ADAMTS1: variants seen among roughly 807,000 people sequenced by gnomAD.
ADAMTS1 encodes ADAM metallopeptidase with thrombospondin type 1 motif 1.
A neutral mutation model predicts 87.9 loss-of-function variants in ADAMTS1; 19 were observed. The ratio of observed to expected loss-of-function variants is 0.22; its 90% CI spans 0.15 to 0.32. ADAMTS1 has a LOEUF of 0.32. Among genes scored for constraint, ADAMTS1 ranks in the 10% least tolerant of loss-of-function variants. The pLI is 1.00. For synonymous variants in ADAMTS1, 542 were observed against 501.8 expected (o/e 1.08, Z -1.07); for missense variants, 1,240 against 1,259.1 (o/e 0.98, Z 0.23).
intron 1 of ADAMTS1, chr21:26,843,507 C>CA (rs373460567): frequency 4.3e-6 from 2 of 470,452 alleles, no homozygotes; most frequent in East Asian, 7.0e-5. Context: ...AAGCACTGCA[C>CA]AGAGAGAAGG....
rs1156655954 is a variant in ADAMTS1 at position 26,844,383 on chromosome 21, T to A, written c.572A>T (p.Gln191Leu). 3.8e-6 allele frequency: 6 copies of A among 1,595,002 alleles called. No homozygotes were observed. The South Asian group carries it at 4.5e-5, about 12-fold the overall frequency. Residue 191 changes from glutamine (Q) to leucine (L), a missense_variant, in exon 1 of 9, where the codon CAG becomes CTG. Physicochemically the swap from Gln to Leu is moderately radical, Grantham distance 113 (BLOSUM62 -2). Transcript: ENST00000284984. ...CCCGCACGTGCCGCCGACGTCGCCC[T>A]GCCGATTCCGCCGCAGGAGGTGGAA... The part of the protein sequence containing the change: ...LQFHLLRRNR[Q>L]GDVGGTCGVV...
rs201731104 is a variant in ADAMTS1 at position 26,840,401 on chromosome 21, T to C, written c.1540A>G (p.Thr514Ala). 1.4e-4 allele frequency: 219 copies of C among 1,614,176 alleles called. No individual in the cohort carries two copies. The highest frequency in any genetic ancestry group is 1.3e-3 in the Admixed American group (81 of 60,026). ...STCSTLWCTG[T>A]SGGVLVCQTK... ...TGACACACCAGCACCCCACCAGAGG[T>C]GCCGGTACACCACAAGGTGCTACAT... The change falls in exon 5 of 9, where the codon ACC (threonine) becomes GCC (alanine). Residue 514 changes from threonine (T) to alanine (A), a missense_variant. Thr to Ala is a moderately conservative substitution (Grantham distance 58). Coordinates refer to ENST00000284984, the MANE Select transcript of ADAMTS1 (RefSeq NM_006988.5).
intron 1 of ADAMTS1, chr21:26,843,356 G>T (rs950584975): frequency 2.4e-5 from 10 of 414,922 alleles, no homozygotes; most frequent in African/African-American, 1.9e-4. Context: ...CCTGCAGAAA[G>T]TCCTAAACTG....
chr21:26,837,601 C>T lies in ADAMTS1; in HGVS notation c.2882G>A (p.Cys961Tyr). Reference protein sequence around the residue: ...LKKPKHFIDFCTMAECS With the variant: ...LKKPKHFIDFYTMAECS ...CACTTAACTGCATTCTGCCATTGTG[C>T]AAAAGTCTATGAAATGTTTAGGTTT... is the stretch of plus-strand genomic sequence containing the variant. The change falls in exon 9 of 9, where the codon TGC becomes TAC. Residue 961 changes from cysteine to tyrosine, a missense_variant. Cys to Tyr is a radical substitution (Grantham distance 194). Coordinates refer to ENST00000284984, the MANE Select transcript of ADAMTS1 (RefSeq NM_006988.5). 4 of 1,614,098 alleles carry T rather than the reference C, an allele frequency of 2.5e-6. No individual in the cohort carries two copies. Among genetic ancestry groups the T allele is most frequent in the Non-Finnish European group, 2.5e-6 (3 of 1,180,004 alleles).
rs1417775198 is a variant in ADAMTS1 at position 26,840,556 on chromosome 21, C to T, written c.1385G>A (p.Cys462Tyr). The T allele has an allele frequency of 1.2e-6, 2 of 1,613,052 alleles. No individual in the cohort carries two copies. Among genetic ancestry groups the T allele is most frequent in the East Asian group, 2.2e-5 (1 of 44,870 alleles). Residue 462 changes from cysteine to tyrosine, a missense_variant, in exon 5 of 9, where the codon TGT (cysteine) becomes TAT (tyrosine). This residue lies in a region of ADAMTS1 where 317 missense variants were observed against 410.3 expected (regional missense o/e 0.77). Coordinates refer to ENST00000284984, the MANE Select transcript of ADAMTS1 (RefSeq NM_006988.5). ...TSFLDNGHGECLMDKPQNPIQ... is the reference protein window; with the variant it reads ...TSFLDNGHGEYLMDKPQNPIQ... Reference sequence around the variant, plus strand: ...GGGATTCTGAGGCTTGTCCATCAAACATTCCCCTGCAAAGGAAATGCCAAC... The same window carrying T: ...GGGATTCTGAGGCTTGTCCATCAAATATTCCCCTGCAAAGGAAATGCCAAC...
At position 26,842,517 on chromosome 21, in the gene ADAMTS1, T is replaced by C. The variant is rs770859188; in HGVS notation, c.899A>G (p.Asn300Ser). The C allele has an allele frequency of 3.7e-6, 6 of 1,614,152 alleles. 1 individual carries two copies. In the East Asian group the frequency reaches 1.3e-4, roughly 36 times the overall value. ...CTTCACCACCACCAGGCTAACTGAA[T>C]TACGAATGCTGGGGTGTTTGTACAA... ...ARLYKHPSIR[N>S]SVSLVVVKIL... Residue 300 changes from asparagine (N) to serine (S), a missense_variant, in exon 2 of 9, where the codon AAT (asparagine) becomes AGT (serine). By Grantham distance (46) the Asn-to-Ser change is conservative. Around this residue, in one of 3 missense-constraint regions of ADAMTS1, gnomAD observed 521 missense variants for 449.7 expected, o/e 1.16. Transcript: ENST00000284984.
chr21:26,844,873 G>A lies in ADAMTS1; in HGVS notation c.82C>T (p.Arg28Trp), dbSNP rs1215851273. The stretch of plus-strand genomic sequence containing the variant: ...AGCGTGGGTACTGGCCCAAAGCTCC[G>A]AGACCCCGGAGCCCGCTCCGCGTTC... ...MGNAERAPGS[R>W]SFGPVPTLLL... Residue 28 changes from arginine to tryptophan, a missense_variant, in exon 1 of 9, where the codon CGG becomes TGG. Arg to Trp is a moderately radical substitution (Grantham distance 101). This residue lies in a region of ADAMTS1 where 521 missense variants were observed against 449.7 expected (regional missense o/e 1.16). Transcript: ENST00000284984. 2.6e-6 allele frequency: 4 copies of A among 1,547,900 alleles called. No individual in the cohort carries two copies. The highest frequency in any genetic ancestry group is 3.5e-6 in the Non-Finnish European group (4 of 1,147,910).
At chr21:26,842,268 G>C (rs1985509695) in intron 2 of ADAMTS1, 71 bp downstream of exon 2, 5 of 1,437,556 alleles carry the variant, frequency 3.5e-6, no homozygotes, top group Middle Eastern at 1.8e-4. Flanking sequence ...GAAATGCCTT[G>C]TATATATCTT....
In ADAMTS1 at chr21:26,837,536, C is replaced by G; in HGVS notation, c.*43G>C. On this transcript the variant is annotated 3_prime_UTR_variant, in exon 9 of 9. Transcript: ENST00000284984. Reference sequence around the variant, plus strand: ...TCTTGCTTTCCCTGCACCAGCCCTTCCTCACTTTGCCTTGCCCTCAAAGCT... The same window carrying G: ...TCTTGCTTTCCCTGCACCAGCCCTTGCTCACTTTGCCTTGCCCTCAAAGCT... The G allele has an allele frequency of 6.4e-7, 1 of 1,573,392 alleles. No individual in the cohort carries two copies. The highest frequency in any genetic ancestry group is 8.7e-7 in the Non-Finnish European group (1 of 1,148,432).
At position 26,840,418 on chromosome 21, in the gene ADAMTS1, G is replaced by A; in HGVS notation, c.1523C>T (p.Thr508Ile). Residue 508 changes from threonine (T) to isoleucine (I), a missense_variant, in exon 5 of 9, where the codon ACC becomes ATC. This residue lies in a region of ADAMTS1 where 317 missense variants were observed against 410.3 expected (regional missense o/e 0.77). Transcript: ENST00000284984. The part of the protein sequence containing the change: ...HCPDAASTCS[T>I]LWCTGTSGGV... ...ACCAGAGGTGCCGGTACACCACAAG[G>A]TGCTACATGTGCTGGCTGCATCGGG... The A allele has an allele frequency of 6.2e-7, 1 of 1,614,074 alleles. No homozygotes were observed. Among genetic ancestry groups the A allele is most frequent in the Non-Finnish European group, 8.5e-7 (1 of 1,179,938 alleles).
rs1985542806 is a variant in ADAMTS1, at chr21:26,843,619, G to A, written c.730+606C>T. On this transcript the variant is annotated intron_variant, in intron 1 of 8. Coordinates refer to ENST00000284984, the MANE Select transcript of ADAMTS1 (RefSeq NM_006988.5). ...TGGGAGGCGGGGCAAACCCGGGAAA[G>A]ACCTCCCAAGCAGGTTCTGCGAAGG... 6.5e-6 allele frequency: 3 copies of A among 461,824 alleles called. No individual in the cohort carries two copies. In the Admixed American group the frequency reaches 7.2e-5, roughly 11 times the overall value. The allele number at this position is 461,824 out of a possible 1,614,324, so 28.6% of individuals were successfully genotyped here. A position where few individuals can be genotyped will look rare whatever the true frequency, so the allele number is the denominator to read the frequency against.
rs1601925487 is a variant in ADAMTS1 at position 26,845,203 on chromosome 21, G to A, written c.-249C>T. The A allele has an allele frequency of 1.4e-5, 6 of 430,514 alleles. No individual in the cohort carries two copies. In the East Asian group the frequency reaches 2.2e-4, roughly 15 times the overall value. The allele number at this position is 430,514 out of a possible 1,614,324, so 26.7% of individuals were successfully genotyped here. Reference sequence around the variant, plus strand: ...AAGTTGGAGACACTGAGAGGCAGGCGCAGGCAGAGTGGCTCTGCTGGGACA... The same window carrying A: ...AAGTTGGAGACACTGAGAGGCAGGCACAGGCAGAGTGGCTCTGCTGGGACA... On this transcript the variant is annotated 5_prime_UTR_variant, in exon 1 of 9. Coordinates refer to ENST00000284984, the MANE Select transcript of ADAMTS1 (RefSeq NM_006988.5).
In ADAMTS1 at chr21:26,844,810, C is replaced by A. The variant is rs1336822436; in HGVS notation, c.145G>T (p.Ala49Ser). The A allele has an allele frequency of 6.5e-7, 1 of 1,546,748 alleles. No individual in the cohort carries two copies. Residue 49 changes from alanine to serine, a missense_variant, in exon 1 of 9, where the codon GCA becomes TCA. Physicochemically the swap from Ala to Ser is moderately conservative, Grantham distance 99 (BLOSUM62 1). Coordinates refer to ENST00000284984, the MANE Select transcript of ADAMTS1 (RefSeq NM_006988.5). ...TCCTCCTCGGAGGGGCGCCCGAGTG[C>A]GTCCGACACGGCCAGTAGCGCCGCG... ...LAAALLAVSD[A>S]LGRPSEEDEE...
chr21:26,838,306 C>A (rs748757489), intron 8 of ADAMTS1, 28 bp from the exon 9 acceptor site: 2 of 1,581,932 alleles, frequency 1.3e-6, no homozygotes, highest in South Asian at 1.2e-5. Context: ...AGGCATAAAT[C>A]TCTGATTCAT....
Position 26,838,038 on chromosome 21 carries a change from G to A in ADAMTS1, c.2445C>T (p.Ser815=), listed in dbSNP as rs1446503889. 1 of 1,614,222 alleles carries A rather than the reference G, an allele frequency of 6.2e-7. No individual in the cohort carries two copies. Among genetic ancestry groups the A allele is most frequent in the Non-Finnish European group, 8.5e-7 (1 of 1,180,048 alleles). Reference sequence around the variant, plus strand: ...GGATGGTCAAGGGCTCTTTGAGAGGGCTAAAGCTGCGAATTCTTTCCAATG... The same window carrying A: ...GGATGGTCAAGGGCTCTTTGAGAGGACTAAAGCTGCGAATTCTTTCCAATG... ...SAALERIRSF[S]PLKEPLTIQV... Residue 815 remains serine (S), a synonymous_variant, in exon 9 of 9, where the codon AGC becomes AGT. Coordinates refer to ENST00000284984, the MANE Select transcript of ADAMTS1 (RefSeq NM_006988.5).
At position 26,842,573 on chromosome 21, in the gene ADAMTS1, G is replaced by A. The variant is rs148939269; in HGVS notation, c.843C>T (p.Tyr281=). Reference sequence around the variant, plus strand: ...CTGCCACCGAAAACAACGTGAGAAGGTAATGCTTTAGACCACTGCCGTGGA... The same window carrying A: ...CTGCCACCGAAAACAACGTGAGAAGATAATGCTTTAGACCACTGCCGTGGA... ...AEFHGSGLKH[Y]LLTLFSVAAR... The change falls in exon 2 of 9, where the codon TAC becomes TAT. Residue 281 remains tyrosine, a synonymous_variant. Coordinates refer to ENST00000284984, the MANE Select transcript of ADAMTS1 (RefSeq NM_006988.5). 9.3e-6 allele frequency: 15 copies of A among 1,614,128 alleles called. No homozygotes were observed. In the African/African-American group the frequency reaches 2.0e-4, roughly 22 times the overall value.
chr21:26,837,601 C>G lies in ADAMTS1; in HGVS notation c.2882G>C (p.Cys961Ser), dbSNP rs757021365. ...LKKPKHFIDF[C>S]TMAECS ...CACTTAACTGCATTCTGCCATTGTGCAAAAGTCTATGAAATGTTTAGGTTT... is the reference window on the plus strand; with the variant it reads ...CACTTAACTGCATTCTGCCATTGTGGAAAAGTCTATGAAATGTTTAGGTTT... The change falls in exon 9 of 9, where the codon TGC becomes TCC. Residue 961 changes from cysteine (C) to serine (S), a missense_variant. Physicochemically the swap from Cys to Ser is moderately radical, Grantham distance 112 (BLOSUM62 -1). Around this residue, in one of 3 missense-constraint regions of ADAMTS1, gnomAD observed 402 missense variants for 399.1 expected, o/e 1.01. Transcript: ENST00000284984. 2 of 1,614,098 alleles carry G rather than the reference C, an allele frequency of 1.2e-6. No individual in the cohort carries two copies. Among genetic ancestry groups the G allele is most frequent in the Non-Finnish European group, 1.7e-6 (2 of 1,180,004 alleles).
rs1309646256 is a variant in ADAMTS1, at chr21:26,837,103, G to GATCCT, written c.*471_*475dup. On this transcript the variant is annotated 3_prime_UTR_variant, in exon 9 of 9. Transcript: ENST00000284984. ...GCAGCCATAAACAGTGCTGGTCAAA[G>GATCCT]ATCCTATTTGTACTCCTTTCTCCCC... 6 of 160,326 alleles carry GATCCT rather than the reference G, an allele frequency of 3.7e-5. No individual in the cohort carries two copies. Among genetic ancestry groups the GATCCT allele is most frequent in the Non-Finnish European group, 8.3e-5 (6 of 72,076 alleles). The allele number at this position is 160,326 out of a possible 1,614,324, so 9.9% of individuals were successfully genotyped here. A position where few individuals can be genotyped will look rare whatever the true frequency, so the allele number is the denominator to read the frequency against.
rs1281835799 is a variant in ADAMTS1 at position 26,844,457 on chromosome 21, C to T, written c.498G>A (p.Glu166=). The T allele has an allele frequency of 1.9e-6, 3 of 1,587,650 alleles. No individual in the cohort carries two copies. Among genetic ancestry groups the T allele is most frequent in the South Asian group, 1.1e-5 (1 of 88,262 alleles). The stretch of plus-strand genomic sequence containing the variant: ...CCCCTGGGGCGGCGGTGGCGAGGCG[C>T]TCGCTGGCGGCGGGCAGCGGCTGGA... ...YFIQPLPAAS[E]RLATAAPGEK... The change falls in exon 1 of 9, where the codon GAG becomes GAA. Residue 166 remains glutamate (E), a synonymous_variant. Coordinates refer to ENST00000284984, the MANE Select transcript of ADAMTS1 (RefSeq NM_006988.5).
Sources: gnomAD v4.1 joint callset for allele counts on GRCh38, gnomAD v4.1.1 for gene constraint, gnomAD v4.1.1 regional missense constraint, MANE v1.5 for transcripts, NCBI Gene and HGNC (gene_info 2026-07-23, HGNC 2026-07-21) for gene names.